The following XRN1 variants were observed in gnomAD, a reference collection of about 807,000 sequenced individuals.
XRN1 encodes strand-exchange protein 1 homolog.
XRN1 carries 67 observed loss-of-function variants against 222.3 expected under a neutral mutation model. The ratio of observed to expected loss-of-function variants is 0.30; its 90% CI spans 0.25 to 0.37. XRN1 has a LOEUF of 0.37. XRN1 is among the 10% of genes least tolerant of loss of function. XRN1 has a pLI of 1.00. For synonymous variants in XRN1, 643 were observed against 652.4 expected, an observed-to-expected ratio of 0.99 and a Z score of 0.22; for missense variants, 1,707 against 2,000.2, an observed-to-expected ratio of 0.85 and a Z score of 2.80.
At chr3:142,367,335 A>G (rs2066848782) in intron 27 of XRN1, among the ~76,000 whole-genome samples, 1 of 152,004 alleles carries the variant, frequency 6.6e-6, no homozygotes, top group African/African-American at 2.4e-5. Context: ...GTCACACCCC[A>G]GACCTACTGA....
At chr3:142,383,776 T>C (rs1252250380) in intron 21 of XRN1, among the ~76,000 whole-genome samples, 1 of 152,212 alleles carries the variant, frequency 6.6e-6, no homozygotes, top group East Asian at 1.9e-4. Context: ...TACACTGTAC[T>C]ATAACACCCC....
At position 142,351,835 on chromosome 3, in the gene XRN1, T is replaced by A. The variant is rs557182283; in HGVS notation, c.3768+3566A>T. Among the ~76,000 whole-genome samples the A allele has an allele frequency of 2.7e-5, 4 of 150,408 alleles. No individual in the cohort carries two copies. In the East Asian group the frequency reaches 5.9e-4, roughly 22 times the overall value. On this transcript the variant is annotated intron_variant, in intron 32 of 40. Transcript: ENST00000392981. ...GATATCACAGCTGGATACTCCACCATCACCTCAACCTCAAGGTGTCCCATC... is the reference window on the plus strand; with the variant it reads ...GATATCACAGCTGGATACTCCACCAACACCTCAACCTCAAGGTGTCCCATC...
At chr3:142,421,656 G>T in intron 8 of XRN1, 113 bp from the exon 9 acceptor site, 1 of 686,746 alleles carries the variant, frequency 1.5e-6, no homozygotes, top group Non-Finnish European at 2.3e-6. Context: ...TACTAATCAA[G>T]AAAAAACAGT....
At chr3:142,323,523 T>C (rs368604112) in intron 37 of XRN1, among the ~76,000 whole-genome samples, 41 of 152,302 alleles carry the variant, frequency 2.7e-4, no homozygotes, top group African/African-American at 9.1e-4. Flanking sequence ...TAGCCAAAAC[T>C]ATCTGAAAAG....
chr3:142,370,396 T>C (rs555391332), intron 27 of XRN1, 89 bp downstream of exon 27: 7 of 1,439,982 alleles, frequency 4.9e-6, no homozygotes, highest in Non-Finnish European at 5.6e-6. Flanking sequence ...ATATGTTTTA[T>C]TTGGTTGAAA....
chr3:142,434,529 T>A (rs887554396), intron 1 of XRN1, among the ~76,000 whole-genome samples: 2 of 149,612 alleles, frequency 1.3e-5, no homozygotes, highest in Non-Finnish European at 3.0e-5. Flanking sequence ...TTTTTTTTTT[T>A]ACATTTTACA....
In XRN1 at chr3:142,421,554, C is replaced by G. The variant is rs764222147; in HGVS notation, c.968-11G>C. On this transcript the variant is annotated splice_polypyrimidine_tract_variant and intron_variant, in intron 8 of 40. Transcript: ENST00000392981. ...TTTCATTAATATAACCTAAAAGAAA[C>G]AAAAATTTAAATCTGTACTAAAAGC... The G allele has an allele frequency of 6.3e-6, 10 of 1,584,658 alleles. No homozygotes were observed. The highest frequency in any genetic ancestry group is 1.7e-6 in the Non-Finnish European group (2 of 1,165,604).
intron 6 of XRN1, 49 bp from the exon 7 acceptor site, chr3:142,422,971 C>A: frequency 7.0e-7 from 1 of 1,426,362 alleles, no homozygotes; most frequent in South Asian, 1.2e-5. Flanking sequence ...TTTTTAAGGT[C>A]CCAGCTTAAA....
At chr3:142,329,099 T>A (rs2065615946) in intron 37 of XRN1, among the ~76,000 whole-genome samples, 1 of 151,868 alleles carries the variant, frequency 6.6e-6, no homozygotes, top group Non-Finnish European at 1.5e-5. Flanking sequence ...AATATGGATA[T>A]AAGTAAACAA....
In XRN1 at chr3:142,307,527, T is replaced by G. The variant is rs372652803; in HGVS notation, c.*3984A>C. The G allele has an allele frequency of 2.0e-5, 3 of 152,320 alleles. No individual in the cohort carries two copies. The East Asian group carries it at 5.8e-4, about 29-fold the overall frequency. The allele number at this position is 152,320 out of a possible 1,614,324, so 9.4% of individuals were successfully genotyped here. On this transcript the variant is annotated 3_prime_UTR_variant, in exon 41 of 41. Coordinates refer to ENST00000392981, the MANE Select transcript of XRN1 (RefSeq NM_001282857.2). ...ACACACACACAAAAGCAGCTACAGA[T>G]AGTTGACATTTTGGACTACTAAAAC...
chr3:142,392,074 A>G (rs1197297139), intron 20 of XRN1, among the ~76,000 whole-genome samples: 1 of 151,946 alleles, frequency 6.6e-6, no homozygotes, highest in East Asian at 1.9e-4. Context: ...CCTTATCTGA[A>G]GGTTCCACCA....
chr3:142,349,303 G>A (rs2066240372), intron 32 of XRN1, among the ~76,000 whole-genome samples: 1 of 152,016 alleles, frequency 6.6e-6, no homozygotes, highest in African/African-American at 2.4e-5. Context: ...CTATCATCAT[G>A]GCACAATGGC....
chr3:142,384,764 A>C (rs2067432228), intron 20 of XRN1, 79 bp from the exon 21 acceptor site: 10 of 1,121,084 alleles, frequency 8.9e-6, no homozygotes, highest in East Asian at 5.1e-5. Context: ...CAACTATCGT[A>C]AACTATCAAC....
At chr3:142,429,078 T>C (rs2069394862) in intron 2 of XRN1, among the ~76,000 whole-genome samples, 1 of 151,994 alleles carries the variant, frequency 6.6e-6, no homozygotes, top group South Asian at 2.1e-4. Flanking sequence ...ATGGTCAACA[T>C]TGTTAAATGC....
chr3:142,380,045 C>G (rs778673062), intron 23 of XRN1, 37 bp downstream of exon 23: 1 of 1,519,032 alleles, frequency 6.6e-7, no homozygotes, highest in African/African-American at 1.4e-5. Context: ...AAAAGTTTAT[C>G]AATTCTAAAT....
At chr3:142,439,898 A>G (rs1379159096) in intron 1 of XRN1, among the ~76,000 whole-genome samples, 1 of 152,172 alleles carries the variant, frequency 6.6e-6, no homozygotes, top group Non-Finnish European at 1.5e-5. Flanking sequence ...AGATTGTCCA[A>G]GTAGAAATAA....
At position 142,416,710 on chromosome 3, in the gene XRN1, C is replaced by T. The variant is rs868431424; in HGVS notation, c.1436+430G>A. ...AAATATTACCTATGTTTCATTTAAA[C>T]CTGGTTGTATGGAACTTTTAAAAAA... On this transcript the variant is annotated intron_variant, in intron 13 of 40. Transcript: ENST00000392981. Among the ~76,000 whole-genome samples the T allele has an allele frequency of 2.0e-4, 31 of 152,032 alleles. 1 individual carries two copies. The highest frequency in any genetic ancestry group is 6.8e-3 in the Middle Eastern group (2 of 294).
intron 20 of XRN1, among the ~76,000 whole-genome samples, chr3:142,386,211 A>C (rs549891380): frequency 3.3e-5 from 5 of 152,174 alleles, no homozygotes; most frequent in African/African-American, 1.2e-4. Context: ...ACAGCTGACC[A>C]GGACATTTCA....
intron 16 of XRN1, 47 bp from the exon 17 acceptor site, chr3:142,404,036 A>G (rs1174120651): frequency 1.4e-6 from 2 of 1,448,356 alleles, no homozygotes; most frequent in Non-Finnish European, 1.9e-6. Flanking sequence ...TACATTACAA[A>G]CAATTACAGT....
Sources: allele counts gnomAD v4.1 joint callset (sites outside exome capture counted in the v4.1 genomes callset), GRCh38; gene constraint gnomAD v4.1.1; transcripts MANE v1.5; gene names NCBI Gene and HGNC (gene_info 2026-07-23, HGNC 2026-07-21).